The following CNTNAP2 variants were observed in gnomAD, a reference collection of about 807,000 sequenced individuals.
The protein encoded by CNTNAP2 is contactin associated protein 2, also known as contactin-associated protein-like 2.
In CNTNAP2, 98 loss-of-function variants were observed where a neutral mutation model predicts 155.2. The observed-to-expected ratio is 0.63, with a 90% confidence interval of 0.54 to 0.75. The LOEUF is 0.75. CNTNAP2 is among the 30% of genes least tolerant of loss of function. CNTNAP2 has a pLI of 0.00. For synonymous variants in CNTNAP2, 651 were observed against 631.2 expected (o/e 1.03, Z -0.47); for missense variants, 1,727 against 1,688.1 (o/e 1.02, Z -0.40).
At chr7:147,327,103 C>A (rs893222455) in intron 9 of CNTNAP2, among the ~76,000 whole-genome samples, 1 of 151,512 alleles carries the variant, frequency 6.6e-6, no homozygotes, top group African/African-American at 2.4e-5. Context: ...TCATAAAACC[C>A]CAAAGCTGAT....
chr7:147,763,538 C>T (rs1797340276), intron 13 of CNTNAP2, among the ~76,000 whole-genome samples: 1 of 151,958 alleles, frequency 6.6e-6, no homozygotes, highest in African/African-American at 2.4e-5. Context: ...GGTAGAACAG[C>T]TCTCCTCTCT....
chr7:146,550,003 C>T (rs1031899786), intron 1 of CNTNAP2, among the ~76,000 whole-genome samples: 1 of 151,986 alleles, frequency 6.6e-6, no homozygotes, highest in Non-Finnish European at 1.5e-5. Context: ...ATTTGATCCA[C>T]ATAAAGTAAG....
At chr7:146,580,435 G>T (rs1798594263) in intron 1 of CNTNAP2, among the ~76,000 whole-genome samples, 1 of 145,358 alleles carries the variant, frequency 6.9e-6, no homozygotes, top group Admixed American at 6.9e-5. Flanking sequence ...AGAATCCTCA[G>T]AACAACTCTG....
intron 1 of CNTNAP2, among the ~76,000 whole-genome samples, chr7:146,572,558 A>G (rs1353310167): frequency 2.0e-5 from 3 of 152,314 alleles, no homozygotes; most frequent in South Asian, 4.1e-4. Flanking sequence ...TGCCCATACT[A>G]TGGACATCCC....
chr7:146,631,139 A>G (rs1432301368), intron 1 of CNTNAP2, among the ~76,000 whole-genome samples: 1 of 152,162 alleles, frequency 6.6e-6, no homozygotes, highest in Non-Finnish European at 1.5e-5. Flanking sequence ...TGGAGGCATC[A>G]TGCTACCTGA....
chr7:147,659,905 C>G (rs543232958), intron 13 of CNTNAP2, among the ~76,000 whole-genome samples: 39 of 152,236 alleles, frequency 2.6e-4, no homozygotes, highest in African/African-American at 9.1e-4. Context: ...AATAACAAAG[C>G]ATAAATATTT....
chr7:147,713,754 C>A (rs566688043), intron 13 of CNTNAP2, among the ~76,000 whole-genome samples: 1 of 152,216 alleles, frequency 6.6e-6, no homozygotes, highest in East Asian at 1.9e-4. Context: ...TGTTTTTAGA[C>A]CAGCAATGAA....
intron 11 of CNTNAP2, among the ~76,000 whole-genome samples, chr7:147,523,791 G>A (rs147930577): frequency 1.6e-4 from 24 of 152,246 alleles, no homozygotes; most frequent in African/African-American, 3.9e-4. Context: ...AGCACAGACC[G>A]TGTGCTATGT....
chr7:148,380,478 A>C (rs1799031200), intron 21 of CNTNAP2, among the ~76,000 whole-genome samples: 1 of 152,194 alleles, frequency 6.6e-6, no homozygotes, highest in Non-Finnish European at 1.5e-5. Context: ...ACACAATCTC[A>C]AAGCAGTTTT....
intron 4 of CNTNAP2, among the ~76,000 whole-genome samples, chr7:147,051,192 A>G (rs1045886973): frequency 3.4e-5 from 5 of 147,092 alleles, no homozygotes; most frequent in Non-Finnish European, 6.0e-5. Flanking sequence ...ATGTATATAT[A>G]TATATATATA....
chr7:147,172,546 AT>A (rs1249176968), intron 8 of CNTNAP2, among the ~76,000 whole-genome samples: 1 of 152,102 alleles, frequency 6.6e-6, no homozygotes, highest in Admixed American at 6.5e-5. Flanking sequence ...TTTCAGAGTC[AT>A]TTGTAACTTC....
At chr7:148,331,685 A>G (rs112071389) in intron 21 of CNTNAP2, among the ~76,000 whole-genome samples, 12 of 147,558 alleles carry the variant, frequency 8.1e-5, no homozygotes, top group East Asian at 2.0e-4. Flanking sequence ...GATGGATGGA[A>G]TGGACGGATG....
At chr7:146,474,805 C>T (rs1261623385) in intron 1 of CNTNAP2, among the ~76,000 whole-genome samples, 1 of 152,090 alleles carries the variant, frequency 6.6e-6, no homozygotes, top group Non-Finnish European at 1.5e-5. Context: ...AAGATGTTGG[C>T]ATTTATATCC....
chr7:146,576,801 T>C (rs1182908516), intron 1 of CNTNAP2, among the ~76,000 whole-genome samples: 2 of 152,194 alleles, frequency 1.3e-5, no homozygotes, highest in East Asian at 3.9e-4. Flanking sequence ...TCTATCTCGA[T>C]GGATCATGAC....
intron 1 of CNTNAP2, among the ~76,000 whole-genome samples, chr7:146,556,895 A>G (rs1360126424): frequency 1.3e-5 from 2 of 152,054 alleles, no homozygotes; most frequent in African/African-American, 4.8e-5. Context: ...GAAGAGAAAT[A>G]TAGGAGCTTT....
At chr7:146,783,358 T>C (rs1802521969) in intron 2 of CNTNAP2, among the ~76,000 whole-genome samples, 1 of 152,220 alleles carries the variant, frequency 6.6e-6, no homozygotes, top group African/African-American at 2.4e-5. Context: ...ACAGATTTCA[T>C]ATCCACCTCC....
At chr7:148,137,716 G>GGAAGGAAGGAAGGAAGGAAGGAAGGAAA in intron 16 of CNTNAP2, among the ~76,000 whole-genome samples, 1 of 147,384 alleles carries the variant, frequency 6.8e-6, no homozygotes, top group African/African-American at 2.6e-5. Context: ...AAGGAAGGAA[G>GGAAGGAAGGAAGGAAGGAAGGAAGGAAA]GAAGGAAGGA....
At chr7:146,429,895 C>T (rs1717868233) in intron 1 of CNTNAP2, among the ~76,000 whole-genome samples, 1 of 152,058 alleles carries the variant, frequency 6.6e-6, no homozygotes, top group Non-Finnish European at 1.5e-5. Flanking sequence ...AAGTATGTTC[C>T]TTCAACATCT....
intron 8 of CNTNAP2, among the ~76,000 whole-genome samples, chr7:147,254,495 A>C (rs926450316): frequency 2.6e-5 from 4 of 152,136 alleles, no homozygotes; most frequent in Non-Finnish European, 4.4e-5. Flanking sequence ...TGTTAACTTT[A>C]AACAAACTTT....
Sources: gnomAD v4.1 joint callset for allele counts (sites outside exome capture counted in the v4.1 genomes callset) on GRCh38, gnomAD v4.1.1 for gene constraint, MANE v1.5 for transcripts, NCBI Gene and HGNC (gene_info 2026-07-23, HGNC 2026-07-21) for gene names.